Variants in CATSPER1 observed in about 807,000 individuals in gnomAD.
CATSPER1 encodes cation channel sperm associated 1, also known as cation channel sperm-associated protein 1.
Under a neutral mutation model 72.7 loss-of-function variants are expected in CATSPER1, and 57 were observed. The observed-to-expected ratio is 0.78, with a 90% CI of 0.63 to 0.98. The LOEUF (loss-of-function observed/expected upper bound fraction) is 0.98. Among genes scored for constraint, CATSPER1 ranks in the 50% least tolerant of loss-of-function variants. The pLI is 0.00. For synonymous variants in CATSPER1, 363 were observed against 403.0 expected, an observed-to-expected ratio of 0.90 and a Z score of 1.19; for missense variants, 910 against 1,033.9, an observed-to-expected ratio of 0.88 and a Z score of 1.64.
intron 4 of CATSPER1, 137 bp from the exon 5 acceptor site, chr11:66,021,322 G>T: frequency 8.3e-7 from 1 of 1,209,098 alleles, no homozygotes; most frequent in Non-Finnish European, 1.2e-6. Flanking sequence ...GCCCCTCTCT[G>T]GAAAAATGAA....
rs375937366 is a variant in CATSPER1, at chr11:66,017,028, C to T, written c.2316+32G>A. On this transcript the variant is annotated intron_variant, in intron 11 of 11. Coordinates refer to ENST00000312106, the MANE Select transcript of CATSPER1 (RefSeq NM_053054.4). ...GGCTACAAGCCCCTGGGGTTCCCCTCGCCGGCCCCTTCCCGCTCCTGCCTG... is the reference window on the plus strand; with the variant it reads ...GGCTACAAGCCCCTGGGGTTCCCCTTGCCGGCCCCTTCCCGCTCCTGCCTG... 4.6e-4 allele frequency: 736 copies of T among 1,612,822 alleles called. 3 individuals are homozygous for T. The highest frequency in any genetic ancestry group is 5.2e-4 in the South Asian group (47 of 91,066).
chr11:66,023,481 C>T (rs918652758), intron 1 of CATSPER1, among the ~76,000 whole-genome samples: 5 of 152,178 alleles, frequency 3.3e-5, no homozygotes, highest in Non-Finnish European at 7.4e-5. Context: ...CCCAGGCTCT[C>T]TCCAGCTCTG....
chr11:66,021,728 A>G, intron 3 of CATSPER1, 38 bp downstream of exon 3: 1 of 1,613,272 alleles, frequency 6.2e-7, no homozygotes, highest in Non-Finnish European at 8.5e-7. Context: ...AGCCTCCCCC[A>G]GACTAAACAC....
In CATSPER1 at chr11:66,020,708, C is replaced by T; in HGVS notation, c.1928-81G>A. 5 of 1,595,336 alleles carry T rather than the reference C, an allele frequency of 3.1e-6. No individual in the cohort carries two copies. Among genetic ancestry groups the T allele is most frequent in the Non-Finnish European group, 4.3e-6 (5 of 1,165,924 alleles). ...GACCTGCTCCCTTCCCATACCCGGA[C>T]ATGCAGGCATCAGAAGCCCCACTTT... On this transcript the variant is annotated intron_variant, in intron 6 of 11. Transcript: ENST00000312106. The surrounding 1 kb of genome is among the most constrained non-coding windows in gnomAD (Gnocchi z 4.5).
At chr11:66,017,823 G>A (rs1856270018) in intron 10 of CATSPER1, among the ~76,000 whole-genome samples, 1 of 152,218 alleles carries the variant, frequency 6.6e-6, no homozygotes, top group Non-Finnish European at 1.5e-5. Context: ...TGGGTTCTGA[G>A]GGGCCCAGAG....
rs1163388510 is a variant in CATSPER1, at chr11:66,023,036, C to G, written c.1242G>C (p.Lys414Asn). 6.2e-7 allele frequency: 1 copy of G among 1,614,162 alleles called. No individual in the cohort carries two copies. Among genetic ancestry groups the G allele is most frequent in the South Asian group, 1.1e-5 (1 of 91,080 alleles). The change falls in exon 2 of 12, where the codon AAG becomes AAC. Residue 414 changes from lysine (K) to asparagine (N), a missense_variant. Transcript: ENST00000312106. Reference protein sequence around the residue: ...RKTGRLQRTRKKGHSTNLFQW... With the variant: ...RKTGRLQRTRNKGHSTNLFQW... ...GGAAGAGATTGGTAGAGTGTCCCTT[C>G]TTGCGGGTCCGCTGGAGCCGGCCGG... is the stretch of plus-strand genomic sequence containing the variant.
In CATSPER1 at chr11:66,023,054, C is replaced by T; in HGVS notation, c.1224G>A (p.Arg408=). The T allele has an allele frequency of 2.5e-6, 4 of 1,614,052 alleles. No homozygotes were observed. The highest frequency in any genetic ancestry group is 3.4e-6 in the Non-Finnish European group (4 of 1,179,952). ...EGQFQKRKTG[R]LQRTRKKGHS... Reference sequence around the variant, plus strand: ...GTCCCTTCTTGCGGGTCCGCTGGAGCCGGCCGGCTGAAAGGAACAGGGCCA... The same window carrying T: ...GTCCCTTCTTGCGGGTCCGCTGGAGTCGGCCGGCTGAAAGGAACAGGGCCA... Residue 408 remains arginine (R), a synonymous_variant, in exon 2 of 12, where the codon CGG becomes CGA. Transcript: ENST00000312106.
In CATSPER1 at chr11:66,020,812, C is replaced by T. The variant is rs1276581876; in HGVS notation, c.1926G>A (p.Gln642=). ...WSLIYMDSRA[Q]GAWYIIPILV... ...CCTGCAGCCTGGGGCCTGCCCTACC[C>T]TGGGCACGGCTGTCCATGTAGATGA... Residue 642 remains glutamine (Q), a splice_region_variant and synonymous_variant, in exon 6 of 12, where the codon CAG becomes CAA. Transcript: ENST00000312106. The surrounding 1 kb of genome is among the most constrained non-coding windows in gnomAD (Gnocchi z 4.5). 1 of 1,613,670 alleles carries T rather than the reference C, an allele frequency of 6.2e-7. No individual in the cohort carries two copies. The highest frequency in any genetic ancestry group is 1.3e-5 in the African/African-American group (1 of 74,902).
chr11:66,024,979 GAGGTACATAATTCA>G (rs1856464906), intron 1 of CATSPER1, among the ~76,000 whole-genome samples, 171 bp downstream of exon 1: 1 of 152,212 alleles, frequency 6.6e-6, no homozygotes, highest in Admixed American at 6.5e-5. Context: ...ATGGCCTAAA[GAGGTACATAATTCA>G]AGGAATAAAA....
In CATSPER1 at chr11:66,020,208, G is replaced by A; in HGVS notation, c.2065-8C>T. ...TTGGATCCGGGCGGCCCTCTGGGAA[G>A]AAGAGGCCTCAGATCTGCCAGAGTC... On this transcript the variant is annotated splice_polypyrimidine_tract_variant and splice_region_variant and intron_variant, in intron 8 of 11. Coordinates refer to ENST00000312106, the MANE Select transcript of CATSPER1 (RefSeq NM_053054.4). This position sits in a 1 kb window ranked among gnomAD's most constrained non-coding sequence, Gnocchi z 4.5. 5 of 1,613,998 alleles carry A rather than the reference G, an allele frequency of 3.1e-6. No homozygotes were observed. The highest frequency in any genetic ancestry group is 4.2e-6 in the Non-Finnish European group (5 of 1,180,028).
chr11:66,024,951 T>G (rs1043248610), intron 1 of CATSPER1, among the ~76,000 whole-genome samples: 1 of 152,204 alleles, frequency 6.6e-6, no homozygotes, highest in Non-Finnish European at 1.5e-5. Context: ...AGGCAGTGAC[T>G]GAATGAACAA....
In CATSPER1 at chr11:66,020,297, T is replaced by A. The variant is rs752872990; in HGVS notation, c.2064+20A>T. ...CTCCAGCTTCCTGATCTGGTCCACC[T>A]GTCCCACCCCACTCGGTACCTCCTG... is the stretch of plus-strand genomic sequence containing the variant. On this transcript the variant is annotated intron_variant, in intron 8 of 11. Transcript: ENST00000312106. The surrounding 1 kb of genome is among the most constrained non-coding windows in gnomAD (Gnocchi z 4.5). The A allele has an allele frequency of 7.4e-6, 12 of 1,614,056 alleles. No homozygotes were observed. The East Asian group carries it at 8.9e-5, about 12-fold the overall frequency.
In CATSPER1 at chr11:66,018,468, C is replaced by T. The variant is rs151157079; in HGVS notation, c.2201+359G>A. Among the ~76,000 whole-genome samples the T allele has an allele frequency of 3.9e-5, 6 of 152,302 alleles. No individual in the cohort carries two copies. In the East Asian group the frequency reaches 9.7e-4, roughly 25 times the overall value. On this transcript the variant is annotated intron_variant, in intron 10 of 11. Transcript: ENST00000312106. ...TCCACTTGGCTGAAGTCTACTCATT[C>T]TCCATGGCCCAACACAGGTCTTTAG...
Position 66,025,911 on chromosome 11 carries a change from C to T in CATSPER1, c.469G>A (p.Glu157Lys), listed in dbSNP as rs771325410. ...SHHGRPQYLG[E>K]NLSHYSSGVP... The stretch of plus-strand genomic sequence containing the variant: ...CCAGAGGAATAGTGGGATAAATTCT[C>T]ACCGAGATATTGGGGTCTGCCATGG... Residue 157 changes from glutamate to lysine, a missense_variant, in exon 1 of 12, where the codon GAG (glutamate) becomes AAG (lysine). Glu to Lys is a moderately conservative substitution (Grantham distance 56). Transcript: ENST00000312106. 11 of 1,613,086 alleles carry T rather than the reference C, an allele frequency of 6.8e-6. No homozygotes were observed. Among genetic ancestry groups the T allele is most frequent in the Non-Finnish European group, 4.2e-6 (5 of 1,179,754 alleles).
At chr11:66,021,336 G>A in intron 4 of CATSPER1, 151 bp from the exon 5 acceptor site, 11 of 1,200,652 alleles carry the variant, frequency 9.2e-6, no homozygotes, top group South Asian at 1.4e-5. Context: ...AAATGAAGGG[G>A]CTGATTCCAG....
chr11:66,022,920 A>T lies in CATSPER1; in HGVS notation c.1358T>A (p.Ile453Asn). The T allele has an allele frequency of 6.2e-7, 1 of 1,614,230 alleles. No individual in the cohort carries two copies. The part of the protein sequence containing the change: ...LTQSLAFETF[I>N]FFVVCLNTVM... ...GGTGTTGAGGCAGACAACGAAGAAG[A>T]TGAAAGTTTCAAAGGCCAAGGATTG... The change falls in exon 2 of 12, where the codon ATC (isoleucine) becomes AAC (asparagine). Residue 453 changes from isoleucine to asparagine, a missense_variant. Coordinates refer to ENST00000312106, the MANE Select transcript of CATSPER1 (RefSeq NM_053054.4).
rs774688128 is a variant in CATSPER1 at position 66,021,580 on chromosome 11, A to G, written c.1607T>C (p.Ile536Thr). 22 of 1,613,000 alleles carry G rather than the reference A, an allele frequency of 1.4e-5. No individual in the cohort carries two copies. In the South Asian group the frequency reaches 2.4e-4, roughly 18 times the overall value. Reference sequence around the variant, plus strand: ...GATCCGGAAGAGGCTTTGGTGGTAGATGGCGAAGGAGTGGGTCTGCATCAG... The same window carrying G: ...GATCCGGAAGAGGCTTTGGTGGTAGGTGGCGAAGGAGTGGGTCTGCATCAG... ...FLLMQTHSFA[I>T]YHQSLFRILK... Residue 536 changes from isoleucine (I) to threonine (T), a missense_variant, in exon 4 of 12, where the codon ATC becomes ACC. Coordinates refer to ENST00000312106, the MANE Select transcript of CATSPER1 (RefSeq NM_053054.4).
Position 66,020,163 on chromosome 11 carries a change from G to A in CATSPER1, c.2102C>T (p.Ser701Leu). ...ACCTGCAGCTCTGAGCTCCGTCAGT[G>A]AGTCTTCCAGCAGCTTCTCTTGGAT... is the stretch of plus-strand genomic sequence containing the variant. The part of the protein sequence containing the change: ...ARIQEKLLED[S>L]LTELRAAEPK... Residue 701 changes from serine to leucine, a missense_variant, in exon 9 of 12, where the codon TCA (serine) becomes TTA (leucine). Coordinates refer to ENST00000312106, the MANE Select transcript of CATSPER1 (RefSeq NM_053054.4). The surrounding 1 kb of genome is among the most constrained non-coding windows in gnomAD (Gnocchi z 4.5). 1 of 1,613,422 alleles carries A rather than the reference G, an allele frequency of 6.2e-7. No individual in the cohort carries two copies. Among genetic ancestry groups the A allele is most frequent in the Non-Finnish European group, 8.5e-7 (1 of 1,180,038 alleles).
rs1044787836 is a variant in CATSPER1, at chr11:66,025,714, T to G, written c.666A>C (p.Gln222His). ...VPHRGWPHHH[Q>H]VHHHGRSRHH... ...GACGGGACCTGCCATGGTGGTGGAC[T>G]TGGTGATGGTGGGGCCAGCCACGGT... Residue 222 changes from glutamine (Q) to histidine (H), a missense_variant, in exon 1 of 12, where the codon CAA (glutamine) becomes CAC (histidine). Transcript: ENST00000312106. The G allele has an allele frequency of 1.2e-6, 2 of 1,613,616 alleles. No individual in the cohort carries two copies. Among genetic ancestry groups the G allele is most frequent in the African/African-American group, 2.7e-5 (2 of 74,752 alleles).
Sources: gnomAD v4.1 joint callset for allele counts (sites outside exome capture counted in the v4.1 genomes callset) on GRCh38, gnomAD v4.1.1 for gene constraint, Gnocchi (gnomAD v3.1) non-coding constraint, MANE v1.5 for transcripts, NCBI Gene and HGNC (gene_info 2026-07-23, HGNC 2026-07-21) for gene names.